The following WWC1 variants were observed in gnomAD, a reference collection of about 807,000 sequenced individuals.
WWC1 encodes WW and C2 domain containing 1.
WWC1 carries 55 observed loss-of-function variants against 138.4 expected under a neutral mutation model. The ratio of observed to expected loss-of-function variants is 0.40; its 90% CI spans 0.32 to 0.50. The LOEUF (loss-of-function observed/expected upper bound fraction) is 0.50, where lower values mean the gene tolerates loss of function less well. Among genes scored for constraint, WWC1 ranks in the 20% least tolerant of loss-of-function variants. WWC1 has a pLI of 0.72. For synonymous variants in WWC1, 524 were observed against 564.9 expected, an observed-to-expected ratio of 0.93 and a Z score of 1.03; for missense variants, 1,226 against 1,420.4, an observed-to-expected ratio of 0.86 and a Z score of 2.20.
rs754647866 is a variant in WWC1 at position 168,390,312 on chromosome 5, G to GTT, written c.433+4905_433+4906dup. On this transcript the variant is annotated intron_variant, in intron 3 of 22. Transcript: ENST00000265293. ...CATTCGCATTGTAAATGAAAAAGAGGTTTTTTTTACAGATCTCTGGAACCA... is the reference window on the plus strand; with the variant it reads ...CATTCGCATTGTAAATGAAAAAGAGGTTTTTTTTTTACAGATCTCTGGAACCA... Among the ~76,000 whole-genome samples the GTT allele has an allele frequency of 1.2e-3, 176 of 152,016 alleles. 2 individuals carry two copies. The highest frequency in any genetic ancestry group is 6.2e-4 in the Non-Finnish European group (42 of 67,972).
At chr5:168,301,937 A>G (rs1201503787) in intron 1 of WWC1, among the ~76,000 whole-genome samples, 2 of 151,850 alleles carry the variant, frequency 1.3e-5, no homozygotes, top group Admixed American at 1.3e-4. Context: ...CTCGCAAACC[A>G]CCTTGGCAGC....
intron 6 of WWC1, among the ~76,000 whole-genome samples, chr5:168,407,328 A>G (rs1303587701): frequency 6.6e-6 from 1 of 151,834 alleles, no homozygotes. Context: ...TACAGAAAAA[A>G]GACTGTACAA....
intron 1 of WWC1, among the ~76,000 whole-genome samples, chr5:168,354,449 A>C (rs927728960): frequency 2.0e-5 from 3 of 152,186 alleles, no homozygotes; most frequent in African/African-American, 7.2e-5. Context: ...CTGTATTTTC[A>C]TTAAGGAAAA....
chr5:168,345,158 G>A (rs1314855022), intron 1 of WWC1, among the ~76,000 whole-genome samples: 1 of 152,056 alleles, frequency 6.6e-6, no homozygotes, highest in African/African-American at 2.4e-5. Flanking sequence ...AGGCTGGAGG[G>A]CAGTGGTGCA....
At chr5:168,406,134 C>G in intron 5 of WWC1, 64 bp from the exon 6 acceptor site, 2 of 1,588,056 alleles carry the variant, frequency 1.3e-6, no homozygotes, top group Non-Finnish European at 1.7e-6. Flanking sequence ...CTGTGCTTTT[C>G]CCCTGGGGAG....
At position 168,315,016 on chromosome 5, in the gene WWC1, G is replaced by T. The variant is rs576516556; in HGVS notation, c.119+22745G>T. ...AGACACTCAGTCCGTTGGTGTGAGG[G>T]AGGCTGCTGACACCCCCCAGATTCA... On this transcript the variant is annotated intron_variant, in intron 1 of 22. Coordinates refer to ENST00000265293, the MANE Select transcript of WWC1 (RefSeq NM_015238.3). Among the ~76,000 whole-genome samples, 32 of 152,260 alleles carry T rather than the reference G, an allele frequency of 2.1e-4. No individual in the cohort carries two copies. In the East Asian group the frequency reaches 5.8e-3, roughly 28 times the overall value.
rs1222370190 is a variant in WWC1 at position 168,292,631 on chromosome 5, G to A, written c.119+360G>A. ...CGGGGGTTGGGGGAGCGACCTAGCC[G>A]GGTGAAGCCGGGTCTTCCCGGGGAG... is the stretch of plus-strand genomic sequence containing the variant. On this transcript the variant is annotated intron_variant, in intron 1 of 22. Transcript: ENST00000265293. This position sits in a 1 kb window ranked among gnomAD's most constrained non-coding sequence, Gnocchi z 4.4. 1.3e-5 allele frequency among the ~76,000 whole-genome samples: 2 copies of A among 152,110 alleles called. No homozygotes were observed. The highest frequency in any genetic ancestry group is 2.9e-5 in the Non-Finnish European group (2 of 68,004).
rs369308732 is a variant in WWC1, at chr5:168,423,595, G to A, written c.1337G>A (p.Arg446Gln). ...AGCCCCGGATCCCTCACGTCCAGCC[G>A]GGGCTCCCTGGTTGCATCCAGCCTG... ...GSSPGSLTSS[R>Q]GSLVASSLDS... Residue 446 changes from arginine to glutamine, a missense_variant, in exon 11 of 23, where the codon CGG becomes CAG. Physicochemically the swap from Arg to Gln is conservative, Grantham distance 43. Around this residue, in one of 3 missense-constraint regions of WWC1, gnomAD observed 1,016 missense variants for 1,153.9 expected, o/e 0.88. Coordinates refer to ENST00000265293, the MANE Select transcript of WWC1 (RefSeq NM_015238.3). The A allele has an allele frequency of 9.3e-6, 15 of 1,613,904 alleles. No homozygotes were observed. The highest frequency in any genetic ancestry group is 6.7e-5 in the African/African-American group (5 of 74,878).
At chr5:168,352,693 C>T (rs760242630) in intron 1 of WWC1, among the ~76,000 whole-genome samples, 10 of 151,818 alleles carry the variant, frequency 6.6e-5, no homozygotes, top group Admixed American at 3.3e-4. Flanking sequence ...AAGCAATTCT[C>T]CTGCCTTAGC....
intron 5 of WWC1, among the ~76,000 whole-genome samples, chr5:168,403,717 G>A (rs1779563813): frequency 6.6e-6 from 1 of 152,178 alleles, no homozygotes; most frequent in South Asian, 2.1e-4. Flanking sequence ...CAAAGCACGA[G>A]CCCTGCCGTG....
rs1561803798 is a variant in WWC1 at position 168,464,913 on chromosome 5, T to G, written c.3101T>G (p.Leu1034Trp). The part of the protein sequence containing the change: ...SHGEKELPQW[L>W]REDERFRLLL... Reference sequence around the variant, plus strand: ...GGGGAGAAGGAGCTGCCACAGTGGTTGCGTGAGGACGAGCGTTTCCGCCTG... The same window carrying G: ...GGGGAGAAGGAGCTGCCACAGTGGTGGCGTGAGGACGAGCGTTTCCGCCTG... Residue 1034 changes from leucine to tryptophan, a missense_variant, in exon 21 of 23, where the codon TTG becomes TGG. Physicochemically the swap from Leu to Trp is moderately conservative, Grantham distance 61 (BLOSUM62 -2). Coordinates refer to ENST00000265293, the MANE Select transcript of WWC1 (RefSeq NM_015238.3). 1.9e-6 allele frequency: 3 copies of G among 1,614,082 alleles called. No homozygotes were observed. The highest frequency in any genetic ancestry group is 1.3e-5 in the African/African-American group (1 of 74,938).
At chr5:168,417,217 TG>T (rs1223642071) in intron 9 of WWC1, among the ~76,000 whole-genome samples, 1 of 152,234 alleles carries the variant, frequency 6.6e-6, no homozygotes, top group African/African-American at 2.4e-5. Context: ...TACATCATTT[TG>T]CTTAAAGTTA....
chr5:168,400,887 A>G (rs932409394), intron 5 of WWC1, among the ~76,000 whole-genome samples: 13 of 148,720 alleles, frequency 8.7e-5, no homozygotes, highest in African/African-American at 3.2e-4. Flanking sequence ...AAGAAGAAAG[A>G]AAGGGAGGGA....
At chr5:168,302,504 C>T (rs1166414299) in intron 1 of WWC1, among the ~76,000 whole-genome samples, 1 of 152,070 alleles carries the variant, frequency 6.6e-6, no homozygotes, top group African/African-American at 2.4e-5. Flanking sequence ...TGACACCTGT[C>T]GACAGTGGTG....
chr5:168,358,159 C>T (rs1430057945), intron 1 of WWC1, among the ~76,000 whole-genome samples: 1 of 152,140 alleles, frequency 6.6e-6, no homozygotes, highest in Non-Finnish European at 1.5e-5. Context: ...GGGTGGGTGA[C>T]CTGGGGAAAC....
At chr5:168,439,453 C>T (rs998052924) in intron 15 of WWC1, among the ~76,000 whole-genome samples, 1 of 133,994 alleles carries the variant, frequency 7.5e-6, no homozygotes. Flanking sequence ...GGAGAAACCC[C>T]GTCTCTACTA....
Position 168,455,344 on chromosome 5 carries a change from C to A in WWC1, c.2659-12C>A. The A allele has an allele frequency of 6.4e-7, 1 of 1,560,456 alleles. No individual in the cohort carries two copies. Among genetic ancestry groups the A allele is most frequent in the Non-Finnish European group, 8.6e-7 (1 of 1,157,392 alleles). Reference sequence around the variant, plus strand: ...GGACACTGGTGGCTTCAAGGTGTGACTTCTTCCTCAGGTGGACAAAGAGAC... The same window carrying A: ...GGACACTGGTGGCTTCAAGGTGTGAATTCTTCCTCAGGTGGACAAAGAGAC... On this transcript the variant is annotated splice_polypyrimidine_tract_variant and intron_variant, in intron 18 of 22. Transcript: ENST00000265293.
intron 6 of WWC1, 113 bp downstream of exon 6, chr5:168,406,440 AC>A: frequency 6.9e-7 from 1 of 1,447,274 alleles, no homozygotes; most frequent in Non-Finnish European, 9.4e-7. Flanking sequence ...AGTTCTCATT[AC>A]CAGTCTTCCT....
chr5:168,404,398 C>T (rs1017117319), intron 5 of WWC1, among the ~76,000 whole-genome samples: 10 of 152,340 alleles, frequency 6.6e-5, no homozygotes, highest in Middle Eastern at 6.8e-3. Flanking sequence ...TGCCGAGGCC[C>T]GAGTCCTGGA....
Sources: gnomAD v4.1 joint callset for allele counts (sites outside exome capture counted in the v4.1 genomes callset) on GRCh38, gnomAD v4.1.1 for gene constraint, gnomAD v4.1.1 regional missense constraint, Gnocchi (gnomAD v3.1) non-coding constraint, MANE v1.5 for transcripts, NCBI Gene and HGNC (gene_info 2026-07-23, HGNC 2026-07-21) for gene names.